PRKD1: variants seen among roughly 807,000 people sequenced by gnomAD.
The protein encoded by PRKD1 is protein kinase D1, also known as serine/threonine-protein kinase D1.
A neutral mutation model predicts 95.9 loss-of-function variants in PRKD1; 63 were observed. The ratio of observed to expected loss-of-function variants is 0.66; its 90% CI spans 0.54 to 0.81. The LOEUF (loss-of-function observed/expected upper bound fraction) is 0.81, where lower values mean the gene tolerates loss of function less well. Among genes scored for constraint, PRKD1 ranks in the 30% least tolerant of loss-of-function variants. The probability of loss-of-function intolerance (pLI) is 0.00; values close to 1 mark genes in which losing one functional copy is unlikely to be tolerated. For missense variants in PRKD1, 1,048 were observed against 1,165.3 expected (o/e 0.90, Z 1.47); for synonymous variants, 425 against 423.1 (o/e 1.00, Z -0.05).
chr14:29,720,315 T>G (rs976961020), intron 2 of PRKD1, among the ~76,000 whole-genome samples: 2 of 152,158 alleles, frequency 1.3e-5, no homozygotes, highest in Non-Finnish European at 2.9e-5. Flanking sequence ...TAGTGAAGAA[T>G]AGATAAAGGA....
At chr14:29,732,267 A>G (rs1415593447) in intron 1 of PRKD1, among the ~76,000 whole-genome samples, 1 of 152,000 alleles carries the variant, frequency 6.6e-6, no homozygotes, top group Non-Finnish European at 1.5e-5. Context: ...TGTTTGTTAC[A>G]TCTGTTTTTT....
chr14:29,883,834 TTCTGCAA>T (rs1382671829), intron 1 of PRKD1, among the ~76,000 whole-genome samples: 1 of 152,186 alleles, frequency 6.6e-6, no homozygotes. Context: ...TTATGAAAAC[TTCTGCAA>T]TCTGTCTTTA....
chr14:29,629,162 T>C (rs1879823170), intron 10 of PRKD1, 69 bp from the exon 11 acceptor site: 2 of 1,291,482 alleles, frequency 1.5e-6, no homozygotes, highest in African/African-American at 1.5e-5. Context: ...AACAAGTAAG[T>C]ACATGCTTAC....
intron 16 of PRKD1, among the ~76,000 whole-genome samples, chr14:29,589,065 T>C (rs1380181440): frequency 6.6e-6 from 1 of 151,994 alleles, no homozygotes; most frequent in Non-Finnish European, 1.5e-5. Context: ...TGTTTGCCTC[T>C]CTAATGGCAT....
At position 29,671,626 on chromosome 14, in the gene PRKD1, A is replaced by T. The variant is rs866761410; in HGVS notation, c.404-5418T>A. Among the ~76,000 whole-genome samples, 63 of 152,308 alleles carry T rather than the reference A, an allele frequency of 4.1e-4. 1 individual carries two copies. The highest frequency in any genetic ancestry group is 6.8e-3 in the Middle Eastern group (2 of 294). ...AAGAAAAAAAATAGGAAGAAGTAAC[A>T]TATCAAGAAGAAAACAAAGTCTAGG... On this transcript the variant is annotated intron_variant, in intron 2 of 17. Coordinates refer to ENST00000331968, the MANE Select transcript of PRKD1 (RefSeq NM_002742.3).
At chr14:29,863,950 A>G (rs1241743428) in intron 1 of PRKD1, among the ~76,000 whole-genome samples, 1 of 152,170 alleles carries the variant, frequency 6.6e-6, no homozygotes, top group East Asian at 1.9e-4. Flanking sequence ...GTGGTGGTGA[A>G]GAACAGCTAA....
chr14:29,833,628 C>G (rs1307742618), intron 1 of PRKD1, among the ~76,000 whole-genome samples: 1 of 151,988 alleles, frequency 6.6e-6, no homozygotes, highest in African/African-American at 2.4e-5. Flanking sequence ...CAGAATTGAA[C>G]AGCCTTTCCT....
At chr14:29,819,459 G>A (rs1043653573) in intron 1 of PRKD1, among the ~76,000 whole-genome samples, 7 of 152,170 alleles carry the variant, frequency 4.6e-5, no homozygotes, top group Non-Finnish European at 7.3e-5. Context: ...GGGAGGCCGA[G>A]GCAGGCGGAT....
intron 1 of PRKD1, among the ~76,000 whole-genome samples, chr14:29,926,972 A>C (rs1391547535): frequency 8.6e-5 from 13 of 151,874 alleles, no homozygotes. Context: ...ATACCTGGAA[A>C]TGTCATGAGA....
At chr14:29,832,389 T>C (rs1163883137) in intron 1 of PRKD1, among the ~76,000 whole-genome samples, 8 of 152,218 alleles carry the variant, frequency 5.3e-5, no homozygotes, top group Non-Finnish European at 1.0e-4. Flanking sequence ...CATTTCTCCA[T>C]TGACATGTTT....
intron 1 of PRKD1, among the ~76,000 whole-genome samples, chr14:29,893,745 T>C (rs1177088817): frequency 6.6e-6 from 1 of 152,216 alleles, no homozygotes; most frequent in Non-Finnish European, 1.5e-5. Context: ...CACAGACTCC[T>C]GGGCTCCAGT....
intron 2 of PRKD1, among the ~76,000 whole-genome samples, chr14:29,699,220 T>C (rs1174993275): frequency 6.6e-6 from 1 of 152,220 alleles, no homozygotes; most frequent in African/African-American, 2.4e-5. Context: ...TTTACAATTT[T>C]TGAAAAGTAC....
At chr14:29,848,287 C>T (rs1219351086) in intron 1 of PRKD1, among the ~76,000 whole-genome samples, 1 of 151,768 alleles carries the variant, frequency 6.6e-6, no homozygotes, top group East Asian at 1.9e-4. Flanking sequence ...ATTATTGCAC[C>T]TCTCCCCACT....
intron 4 of PRKD1, among the ~76,000 whole-genome samples, chr14:29,663,128 G>A (rs929563014): frequency 3.5e-4 from 42 of 118,974 alleles, no homozygotes; most frequent in Non-Finnish European, 4.6e-4. Context: ...TATATCTTAT[G>A]GATATAGTTA....
chr14:29,593,597 T>C (rs2138994819), intron 16 of PRKD1, among the ~76,000 whole-genome samples: 1 of 152,316 alleles, frequency 6.6e-6, no homozygotes, highest in East Asian at 1.9e-4. Flanking sequence ...GGACAATAAG[T>C]AGCACATAAG....
chr14:29,720,942 G>A (rs1885862598), intron 2 of PRKD1, among the ~76,000 whole-genome samples: 1 of 152,116 alleles, frequency 6.6e-6, no homozygotes, highest in African/African-American at 2.4e-5. Context: ...ATTGAACAAT[G>A]TTTGAGGGCA....
At chr14:29,654,112 A>C (rs189460792) in intron 4 of PRKD1, among the ~76,000 whole-genome samples, 1 of 151,932 alleles carries the variant, frequency 6.6e-6, no homozygotes, top group East Asian at 1.9e-4. Context: ...AGTATAACCT[A>C]TTTGGATTCT....
chr14:29,743,659 C>T (rs566278646), intron 1 of PRKD1, among the ~76,000 whole-genome samples: 7 of 152,296 alleles, frequency 4.6e-5, no homozygotes, highest in Non-Finnish European at 7.4e-5. Context: ...AGAAATACGC[C>T]TCACAAGAAG....
intron 1 of PRKD1, among the ~76,000 whole-genome samples, chr14:29,852,000 T>C (rs1183471566): frequency 2.6e-5 from 4 of 152,156 alleles, no homozygotes; most frequent in Non-Finnish European, 4.4e-5. Context: ...ACATACTTCA[T>C]GTTCTCACTT....
Sources: gnomAD v4.1 joint callset for allele counts (sites outside exome capture counted in the v4.1 genomes callset) on GRCh38, gnomAD v4.1.1 for gene constraint, MANE v1.5 for transcripts, NCBI Gene and HGNC (gene_info 2026-07-23, HGNC 2026-07-21) for gene names.